The following HS3ST4 variants were observed in gnomAD, a reference collection of about 807,000 sequenced individuals.
HS3ST4 encodes the protein heparan sulfate-glucosamine 3-sulfotransferase 4, also known as heparan sulfate glucosamine 3-O-sulfotransferase 4.
Under a neutral mutation model 29.2 loss-of-function variants are expected in HS3ST4, and 17 were observed. That is an observed-to-expected ratio of 0.58 (90% CI 0.40 to 0.87). The LOEUF is 0.87. Ranked by LOEUF, HS3ST4 falls within the 40% of genes least tolerant of loss-of-function variation. HS3ST4 has a pLI of 0.00. For missense variants in HS3ST4, 627 were observed against 634.5 expected, an observed-to-expected ratio of 0.99 and a Z score of 0.13; for synonymous variants, 314 against 285.7, an observed-to-expected ratio of 1.10 and a Z score of -1.00.
chr16:26,038,584 C>T (rs1969605763), intron 1 of HS3ST4, among the ~76,000 whole-genome samples: 1 of 152,078 alleles, frequency 6.6e-6, no homozygotes, highest in Admixed American at 6.5e-5. Flanking sequence ...TGAGCCTCTG[C>T]TCATGGGCCC....
intron 1 of HS3ST4, among the ~76,000 whole-genome samples, chr16:25,876,338 A>G (rs1033728976): frequency 6.6e-5 from 10 of 152,158 alleles, no homozygotes; most frequent in Non-Finnish European, 1.2e-4. Context: ...ATGGGTAGGT[A>G]TGGCCTCAGG....
chr16:25,769,798 CT>C (rs749424076), intron 1 of HS3ST4, among the ~76,000 whole-genome samples: 4 of 152,120 alleles, frequency 2.6e-5, no homozygotes, highest in Non-Finnish European at 5.9e-5. Flanking sequence ...CTGCAGCAGC[CT>C]CCCTTTGTGT....
chr16:25,831,165 T>A (rs1394178169), intron 1 of HS3ST4, among the ~76,000 whole-genome samples: 1 of 152,156 alleles, frequency 6.6e-6, no homozygotes, highest in African/African-American at 2.4e-5. Flanking sequence ...TTCAGAGAAG[T>A]GTTCCCTCAC....
chr16:25,872,567 T>C (rs1424461872), intron 1 of HS3ST4, among the ~76,000 whole-genome samples: 2 of 151,502 alleles, frequency 1.3e-5, no homozygotes, highest in African/African-American at 4.8e-5. Flanking sequence ...CCCATGTGTC[T>C]CTCAGTGTCT....
At chr16:25,951,011 G>T (rs910274782) in intron 1 of HS3ST4, among the ~76,000 whole-genome samples, 1 of 152,080 alleles carries the variant, frequency 6.6e-6, no homozygotes, top group Admixed American at 6.6e-5. Context: ...ACTCCCAGCT[G>T]TTTTTGTAGG....
intron 1 of HS3ST4, among the ~76,000 whole-genome samples, chr16:25,971,626 T>A (rs2141706686): frequency 6.6e-6 from 1 of 152,240 alleles, no homozygotes; most frequent in Non-Finnish European, 1.5e-5. Context: ...GCATTAATAG[T>A]CAAGAGTACA....
intron 1 of HS3ST4, among the ~76,000 whole-genome samples, chr16:25,811,590 C>T (rs141164187): frequency 0.055 from 8,328 of 151,722 alleles, 349 homozygotes; most frequent in East Asian, 0.1. Context: ...TGTCCCACCA[C>T]GCCTGGCTAA....
chr16:26,023,295 T>A (rs1363455897), intron 1 of HS3ST4, among the ~76,000 whole-genome samples: 2 of 150,426 alleles, frequency 1.3e-5, no homozygotes, highest in Non-Finnish European at 3.0e-5. Context: ...AATATATGTT[T>A]TATATATATA....
intron 1 of HS3ST4, among the ~76,000 whole-genome samples, chr16:26,093,474 C>G (rs980514081): frequency 2.0e-5 from 3 of 152,202 alleles, no homozygotes; most frequent in Non-Finnish European, 2.9e-5. Context: ...GCAAACAGGT[C>G]TGGAGTGGAC....
At chr16:25,744,383 A>T (rs1489826669) in intron 1 of HS3ST4, among the ~76,000 whole-genome samples, 1 of 152,212 alleles carries the variant, frequency 6.6e-6, no homozygotes, top group Non-Finnish European at 1.5e-5. Context: ...GCTTCGTGTG[A>T]GAAATTCGAA....
intron 1 of HS3ST4, among the ~76,000 whole-genome samples, chr16:25,988,411 G>A (rs889997299): frequency 6.6e-6 from 1 of 152,116 alleles, no homozygotes; most frequent in African/African-American, 2.4e-5. Context: ...TTTGGTCCTG[G>A]GCGGATCCCT....
intron 1 of HS3ST4, among the ~76,000 whole-genome samples, chr16:25,993,202 A>G (rs1394704524): frequency 2.6e-5 from 4 of 152,154 alleles, no homozygotes; most frequent in African/African-American, 4.8e-5. Context: ...ATGGAATGCC[A>G]TAAGCTGAGG....
At chr16:25,794,071 A>G (rs1210296376) in intron 1 of HS3ST4, among the ~76,000 whole-genome samples, 1 of 151,886 alleles carries the variant, frequency 6.6e-6, no homozygotes, top group South Asian at 2.1e-4. Flanking sequence ...TGGTGTTGTA[A>G]TTTACGCTAT....
At chr16:26,060,346 A>G (rs1898460548) in intron 1 of HS3ST4, among the ~76,000 whole-genome samples, 1 of 152,172 alleles carries the variant, frequency 6.6e-6, no homozygotes, top group Admixed American at 6.5e-5. Context: ...GGATACATTA[A>G]TTGAAAGCTT....
intron 1 of HS3ST4, among the ~76,000 whole-genome samples, chr16:25,813,458 G>A (rs963749778): frequency 6.6e-6 from 1 of 152,136 alleles, no homozygotes. Context: ...TTAGCCAGGC[G>A]TGGTGGTGCA....
intron 1 of HS3ST4, among the ~76,000 whole-genome samples, chr16:25,909,856 G>A (rs1240714274): frequency 6.6e-6 from 1 of 152,088 alleles, no homozygotes; most frequent in Admixed American, 6.5e-5. Flanking sequence ...ATTATTTTTT[G>A]TTTGTTAGTT....
At chr16:25,736,782 G>C (rs1306066689) in intron 1 of HS3ST4, among the ~76,000 whole-genome samples, 1 of 152,096 alleles carries the variant, frequency 6.6e-6, no homozygotes, top group East Asian at 1.9e-4. Context: ...ATCTCTTGCA[G>C]AGTTTCTAAA....
At chr16:26,113,949 T>G (rs1423029760) in intron 1 of HS3ST4, among the ~76,000 whole-genome samples, 1 of 152,176 alleles carries the variant, frequency 6.6e-6, no homozygotes, top group Non-Finnish European at 1.5e-5. Context: ...TGTGTGTATA[T>G]GTAGGTATAT....
intron 1 of HS3ST4, among the ~76,000 whole-genome samples, chr16:26,082,042 G>A (rs139526385): frequency 7.6e-4 from 116 of 152,182 alleles, no homozygotes; most frequent in African/African-American, 9.4e-4. Flanking sequence ...TGATTCACCC[G>A]CCTTGGCCTC....
Sources: allele counts gnomAD v4.1 joint callset (sites outside exome capture counted in the v4.1 genomes callset), GRCh38; gene constraint gnomAD v4.1.1; transcripts MANE v1.5; gene names NCBI Gene and HGNC (gene_info 2026-07-23, HGNC 2026-07-21).